Variants in ZNF385C observed in about 807,000 individuals in gnomAD.
The protein encoded by ZNF385C is zinc finger protein 385C.
In ZNF385C, 28 loss-of-function variants were observed where a neutral mutation model predicts 35.4. The observed-to-expected ratio is 0.79, with a 90% CI of 0.59 to 1.08. The LOEUF is 1.08. Ranked by LOEUF, ZNF385C falls within the 50% of genes least tolerant of loss-of-function variation. The pLI is 0.00. For synonymous variants in ZNF385C, 248 were observed against 248.2 expected, an observed-to-expected ratio of 1.00 and a Z score of 0.01; for missense variants, 605 against 595.6, an observed-to-expected ratio of 1.02 and a Z score of -0.16.
At chr17:42,086,218 C>T (rs1555660124) in intron 1 of ZNF385C, among the ~76,000 whole-genome samples, 1 of 150,442 alleles carries the variant, frequency 6.6e-6, no homozygotes, top group East Asian at 2.0e-4. Flanking sequence ...ATGGTGAAAC[C>T]CCGTCTCTAC....
chr17:42,055,981 T>A (rs1474284703), intron 2 of ZNF385C, among the ~76,000 whole-genome samples: 1 of 152,218 alleles, frequency 6.6e-6, no homozygotes, highest in African/African-American at 2.4e-5. Context: ...TGCAGCCTTC[T>A]TGGCCCTGAA....
intron 2 of ZNF385C, among the ~76,000 whole-genome samples, chr17:42,053,464 C>G (rs1360935172): frequency 2.0e-5 from 3 of 150,928 alleles, no homozygotes; most frequent in Non-Finnish European, 2.9e-5. Context: ...TCTCTTCACT[C>G]CCCTCGGACG....
At chr17:42,027,554 G>GGCCCACCCCCCCCCCCCCC in intron 8 of ZNF385C, 64 bp downstream of exon 8, 1 of 556,880 alleles carries the variant, frequency 1.8e-6, no homozygotes, top group Non-Finnish European at 3.3e-6. Flanking sequence ...CCCCCATCTG[G>GGCCCACCCCCCCCCCCCCC]CCCTCCCAGC....
intron 1 of ZNF385C, among the ~76,000 whole-genome samples, chr17:42,073,358 T>G (rs1196064203): frequency 6.6e-6 from 1 of 151,866 alleles, no homozygotes; most frequent in Admixed American, 6.6e-5. Flanking sequence ...CGCTTGAACC[T>G]GGGAAGTGGA....
chr17:42,096,044 C>G (rs2053913619), intron 1 of ZNF385C, among the ~76,000 whole-genome samples: 1 of 152,182 alleles, frequency 6.6e-6, no homozygotes, highest in African/African-American at 2.4e-5. Flanking sequence ...CTGAGCTTTA[C>G]ACATCAGAAT....
In ZNF385C at chr17:42,094,677, C is replaced by T. The variant is rs779345791; in HGVS notation, c.-3+3733G>A. Among the ~76,000 whole-genome samples, 170 of 152,152 alleles carry T rather than the reference C, an allele frequency of 1.1e-3. 1 individual carries two copies. Among genetic ancestry groups the T allele is most frequent in the Non-Finnish European group, 1.3e-4 (9 of 67,988 alleles). ...ACAGGCCGAAGCAGAAAGAGGCTCA[C>T]GAGAACTACACAAGGACAGACAGCC... On this transcript the variant is annotated intron_variant, in intron 1 of 8. Coordinates refer to ENST00000692273, the MANE Select transcript of ZNF385C (RefSeq NM_001392013.1).
At chr17:42,098,043 C>T (rs1199413687) in intron 1 of ZNF385C, among the ~76,000 whole-genome samples, 4 of 152,220 alleles carry the variant, frequency 2.6e-5, no homozygotes, top group African/African-American at 4.8e-5. Context: ...GAAGAGGCTG[C>T]CCTTGGATGA....
At position 42,096,942 on chromosome 17, in the gene ZNF385C, C is replaced by A. The variant is rs2053923582; in HGVS notation, c.-3+1468G>T. On this transcript the variant is annotated intron_variant, in intron 1 of 8. Transcript: ENST00000692273. The stretch of plus-strand genomic sequence containing the variant: ...AGGTTCCCCCTGGTAGGGGGGCATG[C>A]AGTGAAGGGCACTCTTTCTAGCCAA... Among the ~76,000 whole-genome samples, 4 of 138,600 alleles carry A rather than the reference C, an allele frequency of 2.9e-5. No homozygotes were observed. In the South Asian group the frequency reaches 9.1e-4, roughly 31 times the overall value. The allele number at this position is 138,600 out of a possible 152,430, so 90.9% of individuals were successfully genotyped here.
chr17:42,060,326 C>T (rs1423082121), intron 2 of ZNF385C, among the ~76,000 whole-genome samples: 1 of 152,178 alleles, frequency 6.6e-6, no homozygotes, highest in Admixed American at 6.5e-5. Context: ...GAGCCAGAGA[C>T]ACCTAAAAAC....
chr17:42,094,045 G>A (rs1391533767), intron 1 of ZNF385C, among the ~76,000 whole-genome samples: 3 of 151,142 alleles, frequency 2.0e-5, no homozygotes, highest in African/African-American at 7.3e-5. Context: ...GTGCAATGGC[G>A]CAATCTTGGC....
chr17:42,035,813 C>T (rs2052842840), intron 3 of ZNF385C, among the ~76,000 whole-genome samples: 1 of 151,948 alleles, frequency 6.6e-6, no homozygotes, highest in Non-Finnish European at 1.5e-5. Context: ...CTTGGCCTCC[C>T]AATGTGCTGG....
At chr17:42,049,727 C>T (rs2143747329) in intron 2 of ZNF385C, among the ~76,000 whole-genome samples, 1 of 152,342 alleles carries the variant, frequency 6.6e-6, no homozygotes, top group South Asian at 2.1e-4. Flanking sequence ...CTATCCTGCC[C>T]ATTCTGCAGA....
intron 1 of ZNF385C, among the ~76,000 whole-genome samples, chr17:42,084,521 T>A (rs2053785232): frequency 6.6e-6 from 1 of 152,138 alleles, no homozygotes; most frequent in Admixed American, 6.6e-5. Flanking sequence ...ATAATAGATC[T>A]TCTTTCAGTT....
intron 1 of ZNF385C, among the ~76,000 whole-genome samples, chr17:42,069,532 G>T (rs143134096): frequency 6.6e-6 from 1 of 152,206 alleles, no homozygotes; most frequent in Non-Finnish European, 1.5e-5. Flanking sequence ...AGAGGTAACC[G>T]GAGAGGAAGG....
intron 2 of ZNF385C, among the ~76,000 whole-genome samples, chr17:42,051,698 CAG>C (rs2053284571): frequency 6.6e-6 from 1 of 152,106 alleles, no homozygotes; most frequent in Non-Finnish European, 1.5e-5. Context: ...CAAAGTCACC[CAG>C]AAATGCCTTC....
intron 8 of ZNF385C, 59 bp from the exon 9 acceptor site, chr17:42,027,192 C>A: frequency 6.7e-7 from 1 of 1,495,928 alleles, no homozygotes; most frequent in Non-Finnish European, 9.3e-7. Flanking sequence ...CACCCCCTCC[C>A]TGGGGCCCAT....
intron 1 of ZNF385C, among the ~76,000 whole-genome samples, chr17:42,076,177 C>T (rs139291072): frequency 1.3e-5 from 2 of 152,190 alleles, no homozygotes; most frequent in African/African-American, 2.4e-5. Context: ...GAATAACACA[C>T]CCCTAAACTC....
At chr17:42,083,072 T>G (rs1555659836) in intron 1 of ZNF385C, among the ~76,000 whole-genome samples, 1 of 151,986 alleles carries the variant, frequency 6.6e-6, no homozygotes, top group Non-Finnish European at 1.5e-5. Context: ...ATGAAACTCC[T>G]TCTCAAAAAA....
At chr17:42,041,334 G>A (rs1393152743) in intron 2 of ZNF385C, 6 of 658,996 alleles carry the variant, frequency 9.1e-6, no homozygotes, top group Non-Finnish European at 1.3e-5. Flanking sequence ...GCCACTTACT[G>A]GCTGTGCTAC....
Sources: allele counts gnomAD v4.1 joint callset (sites outside exome capture counted in the v4.1 genomes callset), GRCh38; gene constraint gnomAD v4.1.1; transcripts MANE v1.5; gene names NCBI Gene and HGNC (gene_info 2026-07-23, HGNC 2026-07-21).